The following NCAM2 variants were observed in gnomAD, a reference collection of about 807,000 sequenced individuals.
The protein encoded by NCAM2 is neural cell adhesion molecule 2.
In NCAM2, 30 loss-of-function variants were observed where a neutral mutation model predicts 98.1. The observed-to-expected ratio is 0.31, with a 90% CI of 0.23 to 0.41. The LOEUF is 0.41. Among genes scored for constraint, NCAM2 ranks in the 10% least tolerant of loss-of-function variants. NCAM2 has a pLI of 1.00. For synonymous variants in NCAM2, 368 were observed against 342.4 expected, an observed-to-expected ratio of 1.07 and a Z score of -0.83; for missense variants, 867 against 1,005.8, an observed-to-expected ratio of 0.86 and a Z score of 1.87.
intron 1 of NCAM2, among the ~76,000 whole-genome samples, chr21:21,084,565 T>A (rs1052297919): frequency 2.0e-5 from 3 of 152,212 alleles, no homozygotes; most frequent in African/African-American, 7.2e-5. Context: ...GTATGATTTT[T>A]AAGTATGTAT....
At chr21:21,337,169 G>T (rs1053491879) in intron 7 of NCAM2, among the ~76,000 whole-genome samples, 2 of 151,962 alleles carry the variant, frequency 1.3e-5, no homozygotes, top group Non-Finnish European at 2.9e-5. Flanking sequence ...AGGATAGATG[G>T]TCTTAATCTG....
intron 1 of NCAM2, among the ~76,000 whole-genome samples, chr21:21,066,273 C>T (rs62207571): frequency 0.18 from 26,922 of 151,992 alleles, 2,597 homozygotes; most frequent in Non-Finnish European, 0.19. Flanking sequence ...TTTTTTGTTA[C>T]CATACCTTTG....
intron 1 of NCAM2, among the ~76,000 whole-genome samples, chr21:21,009,308 C>T (rs377299860): frequency 6.6e-6 from 1 of 152,022 alleles, no homozygotes; most frequent in East Asian, 1.9e-4. Context: ...ACATCACTGA[C>T]ATGCATATAG....
rs2065455561 is a variant in NCAM2, at chr21:21,067,021, T to C, written c.55+68403T>C. ...AAATCATTAAAAATATATGCGTCTGTTTAAGTAGGTTTATGCAGATATGGA... is the reference window on the plus strand; with the variant it reads ...AAATCATTAAAAATATATGCGTCTGCTTAAGTAGGTTTATGCAGATATGGA... On this transcript the variant is annotated intron_variant, in intron 1 of 17. Transcript: ENST00000400546. Among the ~76,000 whole-genome samples, 3 of 151,992 alleles carry C rather than the reference T, an allele frequency of 2.0e-5. No homozygotes were observed. In the South Asian group the frequency reaches 6.2e-4, roughly 31 times the overall value.
At chr21:21,104,879 T>C (rs866571354) in intron 1 of NCAM2, among the ~76,000 whole-genome samples, 11 of 152,116 alleles carry the variant, frequency 7.2e-5, no homozygotes, top group Admixed American at 3.9e-4. Context: ...TTTTTCTTAC[T>C]CTTTGATCAC....
At chr21:21,375,082 G>A (rs1244842991) in intron 9 of NCAM2, among the ~76,000 whole-genome samples, 1 of 151,448 alleles carries the variant, frequency 6.6e-6, no homozygotes, top group Non-Finnish European at 1.5e-5. Flanking sequence ...GTTACTGGGT[G>A]CAGCACACCA....
intron 15 of NCAM2, among the ~76,000 whole-genome samples, chr21:21,505,992 A>C (rs2146347008): frequency 6.6e-6 from 1 of 152,102 alleles, no homozygotes. Flanking sequence ...AAGTGATGAA[A>C]CCAGGCGTTT....
chr21:21,231,213 C>G (rs1410413924), intron 1 of NCAM2, among the ~76,000 whole-genome samples: 1 of 151,154 alleles, frequency 6.6e-6, no homozygotes, highest in African/African-American at 2.4e-5. Context: ...GATGAGGGAG[C>G]AGTAAATTTA....
At chr21:21,081,966 G>A (rs139412399) in intron 1 of NCAM2, among the ~76,000 whole-genome samples, 1,916 of 151,774 alleles carry the variant, frequency 0.013, 31 homozygotes, top group East Asian at 0.051. Flanking sequence ...GGCCGGGCGC[G>A]GTGGCTCACG....
chr21:21,012,209 G>A (rs1368189134), intron 1 of NCAM2, among the ~76,000 whole-genome samples: 1 of 152,152 alleles, frequency 6.6e-6, no homozygotes, highest in Non-Finnish European at 1.5e-5. Flanking sequence ...GAACTAGCAG[G>A]ATTTAGAGAT....
At chr21:21,507,030 T>G (rs1988022136) in intron 15 of NCAM2, among the ~76,000 whole-genome samples, 1 of 151,960 alleles carries the variant, frequency 6.6e-6, no homozygotes, top group African/African-American at 2.4e-5. Context: ...AAATCACAAA[T>G]TGAATGATTT....
At chr21:21,250,619 C>T (rs2071435255) in intron 1 of NCAM2, among the ~76,000 whole-genome samples, 1 of 151,970 alleles carries the variant, frequency 6.6e-6, no homozygotes. Flanking sequence ...AATGGTTTCG[C>T]AGAAGTCATA....
chr21:21,054,184 T>C (rs1326838988), intron 1 of NCAM2, among the ~76,000 whole-genome samples: 2 of 152,120 alleles, frequency 1.3e-5, no homozygotes, highest in East Asian at 3.9e-4. Context: ...TTTTCATGAC[T>C]TTGTGATTGA....
chr21:21,304,666 A>C (rs2073826735), intron 5 of NCAM2, among the ~76,000 whole-genome samples: 1 of 152,118 alleles, frequency 6.6e-6, no homozygotes, highest in Admixed American at 6.6e-5. Flanking sequence ...ACACATACAC[A>C]TCCACTACCA....
chr21:21,361,842 A>G (rs892681037), intron 8 of NCAM2, among the ~76,000 whole-genome samples: 34 of 152,250 alleles, frequency 2.2e-4, no homozygotes, highest in African/African-American at 7.0e-4. Flanking sequence ...TGTTTAGGAA[A>G]ATGCTTGAAA....
At chr21:21,034,874 T>C (rs1169218626) in intron 1 of NCAM2, among the ~76,000 whole-genome samples, 2 of 152,106 alleles carry the variant, frequency 1.3e-5, no homozygotes, top group African/African-American at 4.8e-5. Flanking sequence ...GAAACAGTGA[T>C]TTACCATATA....
intron 1 of NCAM2, among the ~76,000 whole-genome samples, chr21:21,225,169 A>C (rs1192897811): frequency 1.3e-5 from 2 of 152,092 alleles, no homozygotes; most frequent in Non-Finnish European, 2.9e-5. Flanking sequence ...TGAGAACCAA[A>C]CACCACATGT....
At chr21:21,429,939 G>T (rs879845673) in intron 11 of NCAM2, among the ~76,000 whole-genome samples, 1 of 152,104 alleles carries the variant, frequency 6.6e-6, no homozygotes, top group Non-Finnish European at 1.5e-5. Context: ...CTATTTATAA[G>T]GCATATTTTT....
At chr21:21,038,005 A>G (rs143220069) in intron 1 of NCAM2, among the ~76,000 whole-genome samples, 2 of 152,258 alleles carry the variant, frequency 1.3e-5, no homozygotes, top group East Asian at 3.9e-4. Flanking sequence ...TGCTTTGCAC[A>G]TGCTTTGCAC....
Sources: allele counts gnomAD v4.1 joint callset (sites outside exome capture counted in the v4.1 genomes callset), GRCh38; gene constraint gnomAD v4.1.1; transcripts MANE v1.5; gene names NCBI Gene and HGNC (gene_info 2026-07-23, HGNC 2026-07-21).